Variants in CCDC18 observed in about 807,000 individuals in gnomAD.
CCDC18 encodes coiled-coil domain-containing protein 18.
CCDC18 carries 157 observed loss-of-function variants against 196.0 expected under a neutral mutation model. The ratio of observed to expected loss-of-function variants is 0.80; its 90% confidence interval spans 0.70 to 0.91. The LOEUF (loss-of-function observed/expected upper bound fraction) is 0.91, where lower values mean the gene tolerates loss of function less well. Among genes scored for constraint, CCDC18 ranks in the 40% least tolerant of loss-of-function variants. The probability of loss-of-function intolerance (pLI) is 0.00; values close to 1 mark genes in which losing one functional copy is unlikely to be tolerated. For synonymous variants in CCDC18, 482 were observed against 529.2 expected (o/e 0.91, Z 1.22); for missense variants, 1,465 against 1,611.6 (o/e 0.91, Z 1.56).
intron 14 of CCDC18, among the ~76,000 whole-genome samples, chr1:93,218,208 A>G (rs1656810451): frequency 6.6e-6 from 1 of 152,184 alleles, no homozygotes; most frequent in Non-Finnish European, 1.5e-5. Context: ...AGAAAAGAAA[A>G]TTTGAGACCA....
intron 28 of CCDC18, chr1:93,271,209 C>G (rs1013662358): frequency 6.1e-6 from 6 of 985,176 alleles, no homozygotes; most frequent in Admixed American, 6.2e-5. Flanking sequence ...CATTTGGGCT[C>G]TGTATGTCAA....
At chr1:93,239,235 G>T (rs1031934533) in intron 19 of CCDC18, 75 bp from the exon 20 acceptor site, 5 of 1,111,754 alleles carry the variant, frequency 4.5e-6, no homozygotes, top group Non-Finnish European at 6.1e-6. Context: ...TAACTTGCAG[G>T]CTTTTTTTTT....
chr1:93,183,371 A>G lies in CCDC18; in HGVS notation c.10A>G (p.Ser4Gly). 6.4e-7 allele frequency: 1 copy of G among 1,561,632 alleles called. No homozygotes were observed. The highest frequency in any genetic ancestry group is 2.3e-5 in the East Asian group (1 of 43,350). MES[S>G]SSDYYNKDNE... is the part of the protein sequence containing the mutation. ...ATTTTTTTTTTAAGAAATGGAATCTAGTTCATCAGACTACTATAATAAAGA... is the reference window on the plus strand; with the variant it reads ...ATTTTTTTTTTAAGAAATGGAATCTGGTTCATCAGACTACTATAATAAAGA... The change falls in exon 2 of 29, where the codon AGT (serine) becomes GGT (glycine). Residue 4 changes from serine (S) to glycine (G), a missense_variant. Coordinates refer to ENST00000690025, the MANE Select transcript of CCDC18 (RefSeq NM_001378204.1).
intron 17 of CCDC18, among the ~76,000 whole-genome samples, chr1:93,230,582 TG>T (rs1659096737): frequency 6.6e-6 from 1 of 152,198 alleles, no homozygotes; most frequent in African/African-American, 2.4e-5. Context: ...TGTTCTATTT[TG>T]TAAATATTTG....
At chr1:93,235,652 T>C (rs1659978618) in intron 18 of CCDC18, among the ~76,000 whole-genome samples, 1 of 152,072 alleles carries the variant, frequency 6.6e-6, no homozygotes, top group Non-Finnish European at 1.5e-5. Flanking sequence ...TCTTTTAACA[T>C]GTTTAAATGC....
At position 93,217,204 on chromosome 1, in the gene CCDC18, G is replaced by A. The variant is rs540493092; in HGVS notation, c.1830+458G>A. On this transcript the variant is annotated intron_variant, in intron 13 of 28. Transcript: ENST00000690025. ...CCGCCTCAGCCTTCCAAAGTGTTGGGATTACAGGCGTGAGCCACCGCACCC... is the reference window on the plus strand; with the variant it reads ...CCGCCTCAGCCTTCCAAAGTGTTGGAATTACAGGCGTGAGCCACCGCACCC... Among the ~76,000 whole-genome samples, 6 of 152,194 alleles carry A rather than the reference G, an allele frequency of 3.9e-5. No homozygotes were observed. In the East Asian group the frequency reaches 1.2e-3, roughly 29 times the overall value.
intron 11 of CCDC18, among the ~76,000 whole-genome samples, chr1:93,212,535 CTA>C (rs905894548): frequency 7.2e-5 from 11 of 152,064 alleles, no homozygotes; most frequent in African/African-American, 1.7e-4. Context: ...TTGTTCCCCT[CTA>C]TGTTTCCATG....
At chr1:93,238,728 G>C (rs933262478) in intron 19 of CCDC18, among the ~76,000 whole-genome samples, 1 of 152,130 alleles carries the variant, frequency 6.6e-6, no homozygotes, top group Admixed American at 6.6e-5. Flanking sequence ...GTTCAGGACT[G>C]ACAAAGTTAG....
At chr1:93,265,327 A>G (rs1664348953) in intron 27 of CCDC18, among the ~76,000 whole-genome samples, 1 of 152,220 alleles carries the variant, frequency 6.6e-6, no homozygotes, top group Non-Finnish European at 1.5e-5. Context: ...AGAGCCATGA[A>G]GGCATCATTA....
intron 28 of CCDC18, among the ~76,000 whole-genome samples, chr1:93,274,813 A>C (rs1422309008): frequency 1.3e-5 from 2 of 152,222 alleles, no homozygotes; most frequent in Non-Finnish European, 2.9e-5. Flanking sequence ...CAATGCAGCA[A>C]GAACCCATCT....
chr1:93,203,876 G>A (rs771388691), intron 7 of CCDC18, among the ~76,000 whole-genome samples: 5 of 152,084 alleles, frequency 3.3e-5, no homozygotes, highest in Admixed American at 2.0e-4. Flanking sequence ...GAACAAGACA[G>A]GGCTATTGGT....
rs1381302749 is a variant in CCDC18, at chr1:93,270,489, C to A, written c.4028C>A (p.Thr1343Lys). The A allele has an allele frequency of 2.6e-6, 4 of 1,550,280 alleles. No homozygotes were observed. ...QDPKFAKCFH[T>K]SFSKCTKLRR... Reference sequence around the variant, plus strand: ...CCAAAATTTGCTAAATGTTTTCACACATCTTTTTCCAAGTGTACAAAATTA... The same window carrying A: ...CCAAAATTTGCTAAATGTTTTCACAAATCTTTTTCCAAGTGTACAAAATTA... The change falls in exon 28 of 29, where the codon ACA becomes AAA. Residue 1343 changes from threonine (T) to lysine (K), a missense_variant. By Grantham distance (78) the Thr-to-Lys change is moderately conservative. Coordinates refer to ENST00000690025, the MANE Select transcript of CCDC18 (RefSeq NM_001378204.1).
rs192578703 is a variant in CCDC18 at position 93,203,121 on chromosome 1, T to C, written c.795+1133T>C. ...ACTTTAAAAGACAAGGCAAGAGATATTGAAGATGAAGGAGCTGAGTAGGTA... is the reference window on the plus strand; with the variant it reads ...ACTTTAAAAGACAAGGCAAGAGATACTGAAGATGAAGGAGCTGAGTAGGTA... On this transcript the variant is annotated intron_variant, in intron 7 of 28. Transcript: ENST00000690025. 1.6e-3 allele frequency among the ~76,000 whole-genome samples: 247 copies of C among 152,118 alleles called. 1 individual carries two copies. Among genetic ancestry groups the C allele is most frequent in the Admixed American group, 6.0e-3 (92 of 15,272 alleles).
At chr1:93,217,707 T>G (rs775086217) in intron 13 of CCDC18, 31 bp from the exon 14 acceptor site, 1 of 1,571,292 alleles carries the variant, frequency 6.4e-7, no homozygotes, top group Non-Finnish European at 8.6e-7. Flanking sequence ...CCAAATCAAT[T>G]ATACTCCTTT....
intron 13 of CCDC18, among the ~76,000 whole-genome samples, chr1:93,217,509 A>G (rs969540324): frequency 3.9e-5 from 6 of 152,172 alleles, no homozygotes; most frequent in African/African-American, 1.4e-4. Context: ...CAGTGGCACA[A>G]TCATGGCTCA....
At chr1:93,210,614 A>G (rs531690486) in intron 9 of CCDC18, among the ~76,000 whole-genome samples, 188 bp from the exon 10 acceptor site, 67 of 152,206 alleles carry the variant, frequency 4.4e-4, no homozygotes, top group African/African-American at 1.6e-3. Context: ...ACTCAGGTTT[A>G]TTTCTTTTAA....
chr1:93,218,462 A>G (rs988282489), intron 14 of CCDC18, among the ~76,000 whole-genome samples: 1 of 152,092 alleles, frequency 6.6e-6, no homozygotes, highest in Non-Finnish European at 1.5e-5. Flanking sequence ...TTATGTGAAA[A>G]CTTGTTCTCA....
chr1:93,273,545 T>C (rs2101574313), intron 28 of CCDC18: 1 of 152,372 alleles, frequency 6.6e-6, no homozygotes, highest in South Asian at 2.1e-4. Context: ...TTCTGTCATG[T>C]GGAACAACCG....
intron 6 of CCDC18, among the ~76,000 whole-genome samples, chr1:93,197,101 C>G (rs570429238): frequency 6.6e-6 from 1 of 152,022 alleles, no homozygotes; most frequent in African/African-American, 2.4e-5. Context: ...CTGAAATAGA[C>G]TATTGTGTGG....
Sources: allele counts gnomAD v4.1 joint callset (sites outside exome capture counted in the v4.1 genomes callset), GRCh38; gene constraint gnomAD v4.1.1; transcripts MANE v1.5; gene names NCBI Gene and HGNC (gene_info 2026-07-23, HGNC 2026-07-21).